SOX6: variants seen among roughly 807,000 people sequenced by gnomAD.
The protein encoded by SOX6 is SRY-box transcription factor 6.
A neutral mutation model predicts 97.8 loss-of-function variants in SOX6; 11 were observed. The observed-to-expected ratio is 0.11, with a 90% CI of 0.07 to 0.19. SOX6 has a LOEUF of 0.19. SOX6 is among the 10% of genes least tolerant of loss of function. The probability of loss-of-function intolerance (pLI) is 1.00; values close to 1 mark genes in which losing one functional copy is unlikely to be tolerated. For missense variants in SOX6, 810 were observed against 1,039.5 expected (o/e 0.78, Z 3.04); for synonymous variants, 360 against 371.4 (o/e 0.97, Z 0.35).
intron 4 of SOX6, among the ~76,000 whole-genome samples, chr11:16,547,422 A>G (rs1589980750): frequency 6.6e-6 from 1 of 152,214 alleles, no homozygotes; most frequent in Non-Finnish European, 1.5e-5. Flanking sequence ...ATATAAAAGT[A>G]TATGTACACA....
At chr11:16,714,988 C>T (rs577744621) in intron 2 of SOX6, 1 of 152,134 alleles carries the variant, frequency 6.6e-6, no homozygotes, top group Non-Finnish European at 1.5e-5. Flanking sequence ...CTGTGTCAAA[C>T]ATAGATAAAT....
intron 3 of SOX6, among the ~76,000 whole-genome samples, chr11:16,263,659 T>C (rs530837619): frequency 6.6e-6 from 1 of 152,078 alleles, no homozygotes; most frequent in African/African-American, 2.4e-5. Flanking sequence ...TAATTCATGG[T>C]AACATAATTC....
rs1483715378 is a variant in SOX6 at position 16,055,885 on chromosome 11, T to A, written c.1118A>T (p.Gln373Leu). The A allele has an allele frequency of 6.2e-7, 1 of 1,613,728 alleles. No homozygotes were observed. The highest frequency in any genetic ancestry group is 8.5e-7 in the Non-Finnish European group (1 of 1,179,784). ...AGGTGACACCTGCATGCTGGCCAGC[T>A]GAGCGGCATAGAGCTGCTGCAAAAC... ...HKQIEQLYAAQLASMQVSPGA... is the reference protein window; with the variant it reads ...HKQIEQLYAALLASMQVSPGA... Residue 373 changes from glutamine (Q) to leucine (L), a missense_variant, in exon 10 of 16, where the codon CAG (glutamine) becomes CTG (leucine). By Grantham distance (113) the Gln-to-Leu change is moderately radical (BLOSUM62 -2). Around this residue, in one of 9 missense-constraint regions of SOX6, gnomAD observed 244 missense variants for 261.0 expected, o/e 0.93. Coordinates refer to ENST00000683767, the MANE Select transcript of SOX6 (RefSeq NM_001367873.1).
At chr11:16,697,238 G>A (rs747297672) in intron 3 of SOX6, among the ~76,000 whole-genome samples, 65 of 152,230 alleles carry the variant, frequency 4.3e-4, no homozygotes, top group Non-Finnish European at 9.0e-4. Flanking sequence ...ATGAGGGTTG[G>A]AATCAACTTC....
At chr11:16,247,787 G>T (rs188788286) in intron 3 of SOX6, among the ~76,000 whole-genome samples, 1 of 151,938 alleles carries the variant, frequency 6.6e-6, no homozygotes, top group South Asian at 2.1e-4. Context: ...TTTTGCCCCT[G>T]GTCCCTCCCA....
At chr11:16,709,764 G>C (rs893553304) in intron 3 of SOX6, among the ~76,000 whole-genome samples, 7 of 152,288 alleles carry the variant, frequency 4.6e-5, no homozygotes, top group African/African-American at 1.7e-4. Flanking sequence ...AACTTTCTGT[G>C]CTATAACTTC....
chr11:16,640,689 A>G (rs11499717), intron 3 of SOX6, among the ~76,000 whole-genome samples: 2 of 152,204 alleles, frequency 1.3e-5, no homozygotes, highest in Non-Finnish European at 2.9e-5. Flanking sequence ...TTTTCTAGTT[A>G]ATTTGCGTAG....
chr11:16,362,729 G>A (rs1857240764), intron 1 of SOX6, among the ~76,000 whole-genome samples: 1 of 152,010 alleles, frequency 6.6e-6, no homozygotes, highest in Non-Finnish European at 1.5e-5. Flanking sequence ...GTGCCACAGA[G>A]TAAATAAAAA....
intron 4 of SOX6, among the ~76,000 whole-genome samples, chr11:16,599,719 T>C (rs1270898886): frequency 6.6e-6 from 1 of 152,192 alleles, no homozygotes; most frequent in Admixed American, 6.5e-5. Flanking sequence ...CATTATAAAG[T>C]AGAAATAAGT....
chr11:16,444,053 TA>T (rs1180132249), intron 1 of SOX6, among the ~76,000 whole-genome samples: 3 of 151,318 alleles, frequency 2.0e-5, no homozygotes, highest in African/African-American at 7.3e-5. Context: ...TTTTTTTAAG[TA>T]TTTTGTATTT....
chr11:16,714,385 A>G (rs1403889353), intron 3 of SOX6, among the ~76,000 whole-genome samples: 1 of 151,476 alleles, frequency 6.6e-6, no homozygotes, highest in Non-Finnish European at 1.5e-5. Context: ...CATAAAAAAG[A>G]GGTTATTATA....
chr11:16,324,944 G>A (rs60447842), intron 2 of SOX6, among the ~76,000 whole-genome samples: 1,748 of 152,092 alleles, frequency 0.011, 33 homozygotes, highest in African/African-American at 0.04. Flanking sequence ...AGAGGAGTTG[G>A]TTGATGAGTA....
At chr11:16,546,063 T>A (rs1325286164) in intron 4 of SOX6, among the ~76,000 whole-genome samples, 1 of 151,388 alleles carries the variant, frequency 6.6e-6, no homozygotes, top group African/African-American at 2.4e-5. Flanking sequence ...AAAAATAAAC[T>A]AGCTGAGAAA....
At chr11:16,708,782 T>C (rs1296662934) in intron 3 of SOX6, among the ~76,000 whole-genome samples, 1 of 152,220 alleles carries the variant, frequency 6.6e-6, no homozygotes, top group Admixed American at 6.5e-5. Flanking sequence ...TAGTTTAAAA[T>C]GGCTCTAGAC....
chr11:16,096,825 T>C (rs1404549163), intron 8 of SOX6, among the ~76,000 whole-genome samples: 1 of 151,930 alleles, frequency 6.6e-6, no homozygotes, highest in Non-Finnish European at 1.5e-5. Context: ...GATTATCTTA[T>C]ATTCTCTAAA....
chr11:16,264,761 A>T (rs1484911090), intron 3 of SOX6: 1 of 151,170 alleles, frequency 6.6e-6, no homozygotes, highest in African/African-American at 2.4e-5. Context: ...CAATTCAATG[A>T]GCTAGAATTG....
intron 3 of SOX6, among the ~76,000 whole-genome samples, chr11:16,251,985 T>G (rs1853526805): frequency 1.6e-5 from 1 of 60,676 alleles, no homozygotes; most frequent in Non-Finnish European, 3.9e-5. Context: ...ATTTGTAATT[T>G]TCTTTTAAAA....
At chr11:16,663,712 G>A (rs1010933769) in intron 3 of SOX6, among the ~76,000 whole-genome samples, 2 of 152,144 alleles carry the variant, frequency 1.3e-5, no homozygotes, top group Non-Finnish European at 2.9e-5. Context: ...AAAACTAAAG[G>A]ATTTGTATAT....
At chr11:16,547,500 A>G (rs1346939204) in intron 4 of SOX6, among the ~76,000 whole-genome samples, 1 of 152,154 alleles carries the variant, frequency 6.6e-6, no homozygotes, top group East Asian at 1.9e-4. Flanking sequence ...TGCAACATGG[A>G]TAGAACTTGA....
Sources: allele counts gnomAD v4.1 joint callset (sites outside exome capture counted in the v4.1 genomes callset), GRCh38; gene constraint gnomAD v4.1.1; regional missense constraint gnomAD v4.1.1; transcripts MANE v1.5; gene names NCBI Gene and HGNC (gene_info 2026-07-23, HGNC 2026-07-21).